RANBP17: variants seen among roughly 807,000 people sequenced by gnomAD.
The protein encoded by RANBP17 is RAN binding protein 17, also known as ran-binding protein 17.
Under a neutral mutation model 141.2 loss-of-function variants are expected in RANBP17, and 158 were observed. That is an observed-to-expected ratio of 1.12 (90% CI 0.98 to 1.28). The LOEUF is 1.28. RANBP17 is among the 50% of genes most tolerant of loss of function. RANBP17 has a pLI of 0.00. For missense variants in RANBP17, 1,438 were observed against 1,290.7 expected (o/e 1.11, Z -1.75); for synonymous variants, 430 against 450.0 (o/e 0.96, Z 0.56).
At chr5:170,976,869 A>C (rs971778376) in intron 14 of RANBP17, among the ~76,000 whole-genome samples, 5 of 152,120 alleles carry the variant, frequency 3.3e-5, no homozygotes, top group Admixed American at 3.3e-4. Context: ...ACTCAAAATG[A>C]ATCAGATCTA....
intron 22 of RANBP17, among the ~76,000 whole-genome samples, chr5:171,237,902 T>C (rs572021171): frequency 6.6e-6 from 1 of 152,306 alleles, no homozygotes; most frequent in East Asian, 1.9e-4. Flanking sequence ...TCACTTTTGT[T>C]TATACTAATG....
In RANBP17 at chr5:170,925,259, A is replaced by T. The variant is rs192781086; in HGVS notation, c.1468+709A>T. Among the ~76,000 whole-genome samples the T allele has an allele frequency of 6.8e-3, 1,032 of 152,234 alleles. 13 individuals are homozygous for T. Among genetic ancestry groups the T allele is most frequent in the African/African-American group, 0.023 (940 of 41,576 alleles). On this transcript the variant is annotated intron_variant, in intron 12 of 27. Transcript: ENST00000523189. ...TGATTTCCCATTTTAACTTAAAAAA[A>T]TTTTTAGAAGATTATCCTTTACATT...
At chr5:171,144,237 A>G (rs1025336294) in intron 14 of RANBP17, among the ~76,000 whole-genome samples, 7 of 152,024 alleles carry the variant, frequency 4.6e-5, no homozygotes, top group Non-Finnish European at 1.0e-4. Context: ...GGTGGTGTGC[A>G]CTACTCCCAG....
At chr5:171,004,682 GAGTC>G (rs1464937816) in intron 14 of RANBP17, among the ~76,000 whole-genome samples, 1 of 152,174 alleles carries the variant, frequency 6.6e-6, no homozygotes, top group Non-Finnish European at 1.5e-5. Context: ...ATCTGGGAAG[GAGTC>G]AGTCAAGGAA....
chr5:170,897,776 A>G (rs1029734388), intron 5 of RANBP17, among the ~76,000 whole-genome samples: 1 of 152,150 alleles, frequency 6.6e-6, no homozygotes, highest in South Asian at 2.1e-4. Flanking sequence ...TCCATGGTGT[A>G]TATGTGGCAC....
intron 14 of RANBP17, among the ~76,000 whole-genome samples, chr5:171,055,019 TAAG>T (rs1318129584): frequency 6.6e-6 from 1 of 152,120 alleles, no homozygotes; most frequent in East Asian, 1.9e-4. Context: ...GTGTTCAACT[TAAG>T]AAAACATTGA....
intron 24 of RANBP17, among the ~76,000 whole-genome samples, chr5:171,248,965 A>G (rs1765389343): frequency 6.6e-6 from 1 of 152,188 alleles, no homozygotes; most frequent in Non-Finnish European, 1.5e-5. Context: ...AGGCCCAAGA[A>G]TCAGCTTGCC....
rs544330430 is a variant in RANBP17 at position 170,896,836 on chromosome 5, CAAT to C, written c.489+724_489+726del. ...CAGAGCAAGACTCTGTCTCAAACAA[CAAT>C]AACAAGAAACAATACAGGCCTTTTG... is the stretch of plus-strand genomic sequence containing the variant. On this transcript the variant is annotated intron_variant, in intron 5 of 27. Transcript: ENST00000523189. 1.2e-3 allele frequency: 553 copies of C among 461,020 alleles called. 1 individual carries two copies. Among genetic ancestry groups the C allele is most frequent in the South Asian group, 1.8e-3 (86 of 48,874 alleles). The allele number at this position is 461,020 out of a possible 1,614,324, so 28.6% of individuals were successfully genotyped here.
chr5:171,070,025 A>G (rs971712810), intron 14 of RANBP17, among the ~76,000 whole-genome samples: 4 of 152,298 alleles, frequency 2.6e-5, no homozygotes, highest in Admixed American at 2.6e-4. Flanking sequence ...AACTCTTGTA[A>G]CTCAGTACAC....
intron 18 of RANBP17, among the ~76,000 whole-genome samples, chr5:171,191,252 G>T (rs1455569774): frequency 6.6e-6 from 1 of 152,112 alleles, no homozygotes; most frequent in Non-Finnish European, 1.5e-5. Context: ...AAACACAGAG[G>T]AAGGAATTTT....
intron 14 of RANBP17, among the ~76,000 whole-genome samples, chr5:171,063,246 G>C (rs1383543990): frequency 6.6e-6 from 1 of 152,270 alleles, no homozygotes; most frequent in Admixed American, 6.5e-5. Flanking sequence ...CTGCTTTTTA[G>C]AGTTTCCAGT....
chr5:171,229,543 C>T (rs562606285), intron 22 of RANBP17, among the ~76,000 whole-genome samples: 4 of 151,628 alleles, frequency 2.6e-5, no homozygotes, highest in East Asian at 2.0e-4. Flanking sequence ...TATAGGTGCC[C>T]GCCACCATGC....
intron 12 of RANBP17, among the ~76,000 whole-genome samples, chr5:170,950,837 C>T (rs1011615634): frequency 6.6e-6 from 1 of 152,026 alleles, no homozygotes; most frequent in African/African-American, 2.4e-5. Context: ...CCTACATTCC[C>T]GTTGATGGAT....
At chr5:171,180,920 C>A (rs1280152638) in intron 16 of RANBP17, among the ~76,000 whole-genome samples, 2 of 152,138 alleles carry the variant, frequency 1.3e-5, no homozygotes, top group Non-Finnish European at 2.9e-5. Flanking sequence ...TTATTAACAG[C>A]ACTGACAGGA....
chr5:171,076,555 C>T (rs1034165635), intron 14 of RANBP17, among the ~76,000 whole-genome samples: 1 of 152,172 alleles, frequency 6.6e-6, no homozygotes, highest in Non-Finnish European at 1.5e-5. Context: ...GATTCAAGAT[C>T]TATGGCAGGA....
At chr5:171,161,659 C>T (rs1759362627) in intron 14 of RANBP17, among the ~76,000 whole-genome samples, 1 of 151,976 alleles carries the variant, frequency 6.6e-6, no homozygotes, top group African/African-American at 2.4e-5. Flanking sequence ...TTTAGTAGTC[C>T]ACTAATAAGC....
chr5:170,937,034 A>C (rs1773937676), intron 12 of RANBP17, among the ~76,000 whole-genome samples: 2 of 152,148 alleles, frequency 1.3e-5, no homozygotes, highest in African/African-American at 2.4e-5. Flanking sequence ...TTATATTTAA[A>C]GTGTGTCTTT....
chr5:171,063,398 G>A (rs1271606193), intron 14 of RANBP17, among the ~76,000 whole-genome samples: 1 of 152,232 alleles, frequency 6.6e-6, no homozygotes, highest in Non-Finnish European at 1.5e-5. Flanking sequence ...CTCAGCTGCA[G>A]GTCTGTTGGA....
At chr5:170,944,411 C>T (rs901013795) in intron 12 of RANBP17, among the ~76,000 whole-genome samples, 39 of 152,142 alleles carry the variant, frequency 2.6e-4, no homozygotes, top group African/African-American at 8.9e-4. Context: ...AGATTACAGG[C>T]GCATGCCACC....
Sources: gnomAD v4.1 joint callset for allele counts (sites outside exome capture counted in the v4.1 genomes callset) on GRCh38, gnomAD v4.1.1 for gene constraint, MANE v1.5 for transcripts, NCBI Gene and HGNC (gene_info 2026-07-23, HGNC 2026-07-21) for gene names.